Variants in NAV3 observed in about 807,000 individuals in gnomAD.
NAV3 encodes the protein neuron navigator 3.
Under a neutral mutation model 244.7 loss-of-function variants are expected in NAV3, and 87 were observed. The ratio of observed to expected loss-of-function variants is 0.36; its 90% CI spans 0.30 to 0.42. NAV3 has a LOEUF of 0.42. Among genes scored for constraint, NAV3 ranks in the 20% least tolerant of loss-of-function variants. The pLI, the probability that NAV3 is intolerant of heterozygous loss-of-function variation, is 1.00. For missense variants in NAV3, 2,663 were observed against 2,893.3 expected, an observed-to-expected ratio of 0.92 and a Z score of 1.83; for synonymous variants, 1,126 against 1,042.2, an observed-to-expected ratio of 1.08 and a Z score of -1.55.
intron 2 of NAV3, among the ~76,000 whole-genome samples, chr12:77,778,827 T>C (rs1211954010): frequency 6.6e-6 from 1 of 152,170 alleles, no homozygotes; most frequent in South Asian, 2.1e-4. Context: ...AGAATATTTA[T>C]GCAATTTGAA....
intron 12 of NAV3, among the ~76,000 whole-genome samples, chr12:78,112,689 T>C (rs1955161664): frequency 6.6e-6 from 1 of 152,130 alleles, no homozygotes; most frequent in African/African-American, 2.4e-5. Context: ...GGAACTACAA[T>C]TCAAGATGAG....
chr12:77,995,235 T>G (rs1321567076), intron 6 of NAV3, among the ~76,000 whole-genome samples: 1 of 152,174 alleles, frequency 6.6e-6, no homozygotes, highest in Non-Finnish European at 1.5e-5. Flanking sequence ...GGGCATGCAT[T>G]AATTATTGCA....
At chr12:77,867,899 G>A (rs1592834719) in intron 1 of NAV3, among the ~76,000 whole-genome samples, 2 of 152,296 alleles carry the variant, frequency 1.3e-5, no homozygotes, top group East Asian at 3.9e-4. Flanking sequence ...TAGATTGCTG[G>A]GCAAGGGCCC....
chr12:77,847,817 G>A (rs999002430), intron 1 of NAV3, among the ~76,000 whole-genome samples: 13 of 152,156 alleles, frequency 8.5e-5, no homozygotes, highest in Non-Finnish European at 8.8e-5. Flanking sequence ...TCAGAGGAAA[G>A]TTCCCATATA....
chr12:77,693,657 G>A (rs1875141067), intron 2 of NAV3, among the ~76,000 whole-genome samples: 1 of 152,042 alleles, frequency 6.6e-6, no homozygotes, highest in African/African-American at 2.4e-5. Flanking sequence ...CTTCTGACAT[G>A]AGGCAACCCC....
intron 2 of NAV3, among the ~76,000 whole-genome samples, chr12:77,689,592 C>G (rs1444611186): frequency 6.6e-6 from 1 of 151,730 alleles, no homozygotes; most frequent in Non-Finnish European, 1.5e-5. Context: ...GTGCACTATA[C>G]TTAGATGTTT....
At chr12:77,945,941 G>C (rs2137558396) in intron 3 of NAV3, among the ~76,000 whole-genome samples, 1 of 151,282 alleles carries the variant, frequency 6.6e-6, no homozygotes, top group East Asian at 1.9e-4. Context: ...TTAATTTTTA[G>C]TAGAGACGGG....
intron 2 of NAV3, among the ~76,000 whole-genome samples, chr12:77,610,989 C>T (rs567800412): frequency 7.2e-4 from 107 of 148,120 alleles, no homozygotes; most frequent in African/African-American, 2.5e-3. Flanking sequence ...TTGAAAACCT[C>T]CATTAGAAAA....
In NAV3 at chr12:77,766,735, G is replaced by GTTTTTTTTTTTTTTTTTTTTTTTTTTT. The variant is rs748531378; in HGVS notation, c.73-173574_73-173548dup. Among the ~76,000 whole-genome samples, 2 of 60,516 alleles carry GTTTTTTTTTTTTTTTTTTTTTTTTTTT rather than the reference G, an allele frequency of 3.3e-5. 1 individual carries two copies. Among genetic ancestry groups the GTTTTTTTTTTTTTTTTTTTTTTTTTTT allele is most frequent in the African/African-American group, 1.3e-4 (2 of 15,802 alleles). 39.7% of individuals were successfully genotyped at this position (60,516 alleles called of 152,430 possible). A position where few individuals can be genotyped will look rare whatever the true frequency, so the allele number is the denominator to read the frequency against. On this transcript the variant is annotated intron_variant, in intron 2 of 8. Transcript: ENST00000550042. ...AGGATTCTAAAAAACAGGCAATTAA[G>GTTTTTTTTTTTTTTTTTTTTTTTTTTT]TTTTTTTTTTTTTTTTTTTTTTTTT... is the stretch of plus-strand genomic sequence containing the variant.
Position 78,021,816 on chromosome 12 carries a change from C to T in NAV3, c.1977C>T (p.Asp659=). Residue 659 remains aspartate, a synonymous_variant, in exon 9 of 40, where the codon GAC becomes GAT. Coordinates refer to ENST00000397909, the MANE Select transcript of NAV3 (RefSeq NM_001024383.2). ...ADSCTSPTKM[D]LSYSKTAKQC... ...CCTGTACCAGTCCTACAAAGATGGA[C>T]TTATCATATAGTAAGACTGCTAAGC... 1.2e-6 allele frequency: 2 copies of T among 1,611,322 alleles called. No homozygotes were observed. The highest frequency in any genetic ancestry group is 1.7e-6 in the Non-Finnish European group (2 of 1,178,534).
chr12:77,803,135 A>G (rs1403158860), intron 2 of NAV3, among the ~76,000 whole-genome samples: 2 of 152,162 alleles, frequency 1.3e-5, no homozygotes, highest in Non-Finnish European at 1.5e-5. Flanking sequence ...CATGTGCAGA[A>G]CGTGCATGTT....
intron 2 of NAV3, among the ~76,000 whole-genome samples, chr12:77,728,623 G>A (rs546398755): frequency 6.6e-6 from 1 of 151,968 alleles, no homozygotes; most frequent in South Asian, 2.1e-4. Context: ...GAAATGCACA[G>A]GTTTATGGCT....
intron 1 of NAV3, among the ~76,000 whole-genome samples, chr12:77,889,443 G>T (rs538035606): frequency 6.6e-6 from 1 of 152,226 alleles, no homozygotes; most frequent in East Asian, 1.9e-4. Context: ...TTCATAATTA[G>T]TTCTGTTTCT....
chr12:77,633,655 G>A (rs1872019920), intron 2 of NAV3, among the ~76,000 whole-genome samples: 1 of 152,140 alleles, frequency 6.6e-6, no homozygotes, highest in Admixed American at 6.5e-5. Context: ...TATGTTAGCA[G>A]TGAAGTTGGT....
At chr12:77,688,224 T>C (rs1874846939) in intron 2 of NAV3, among the ~76,000 whole-genome samples, 1 of 152,078 alleles carries the variant, frequency 6.6e-6, no homozygotes, top group African/African-American at 2.4e-5. Flanking sequence ...AAAGTTTATC[T>C]GAAGCATAAT....
intron 2 of NAV3, among the ~76,000 whole-genome samples, chr12:77,720,267 C>T (rs775140727): frequency 4.3e-5 from 5 of 115,018 alleles, no homozygotes; most frequent in South Asian, 2.8e-4. Context: ...CTTTCTATTA[C>T]GATCTACACA....
At chr12:77,695,849 A>G (rs377695531) in intron 2 of NAV3, among the ~76,000 whole-genome samples, 1 of 152,104 alleles carries the variant, frequency 6.6e-6, no homozygotes, top group African/African-American at 2.4e-5. Context: ...TGCCTCAAAT[A>G]AAGAAAGGTG....
At chr12:78,165,224 G>C (rs144167184) in intron 23 of NAV3, among the ~76,000 whole-genome samples, 3 of 152,072 alleles carry the variant, frequency 2.0e-5, no homozygotes, top group African/African-American at 7.2e-5. Context: ...TGGTTCTCAG[G>C]TTTTAAAATA....
intron 12 of NAV3, among the ~76,000 whole-genome samples, chr12:78,095,337 G>T (rs377424936): frequency 6.6e-6 from 1 of 152,010 alleles, no homozygotes; most frequent in Admixed American, 6.6e-5. Context: ...CTCTTGAAGA[G>T]AGAGCAAGAG....
Sources: allele counts gnomAD v4.1 joint callset (sites outside exome capture counted in the v4.1 genomes callset), GRCh38; gene constraint gnomAD v4.1.1; transcripts MANE v1.5; gene names NCBI Gene and HGNC (gene_info 2026-07-23, HGNC 2026-07-21).